Variants in CACNA1B observed in about 807,000 individuals in gnomAD.
CACNA1B encodes the protein calcium voltage-gated channel subunit alpha1 B.
In CACNA1B, 70 loss-of-function variants were observed where a neutral mutation model predicts 247.2. The ratio of observed to expected loss-of-function variants is 0.28; its 90% CI spans 0.23 to 0.35. CACNA1B has a LOEUF of 0.35. Among genes scored for constraint, CACNA1B ranks in the 10% least tolerant of loss-of-function variants. The pLI is 1.00. For synonymous variants in CACNA1B, 1,231 were observed against 1,294.4 expected (o/e 0.95, Z 1.05); for missense variants, 2,367 against 3,197.4 (o/e 0.74, Z 6.26).
At chr9:137,911,444 C>T (rs960585129) in intron 3 of CACNA1B, among the ~76,000 whole-genome samples, 1 of 152,112 alleles carries the variant, frequency 6.6e-6, no homozygotes, top group Admixed American at 6.5e-5. Flanking sequence ...GAGTCGGAGT[C>T]TCGCTCTGTA....
At chr9:137,946,716 C>A (rs947578019) in intron 6 of CACNA1B, among the ~76,000 whole-genome samples, 2 of 152,214 alleles carry the variant, frequency 1.3e-5, no homozygotes, top group African/African-American at 4.8e-5. Context: ...CAGCCAGAGA[C>A]CTGCAGTTGC....
At chr9:137,947,393 C>A (rs1957809042) in intron 6 of CACNA1B, among the ~76,000 whole-genome samples, 1 of 152,142 alleles carries the variant, frequency 6.6e-6, no homozygotes, top group East Asian at 1.9e-4. Flanking sequence ...GAAGTCAGCA[C>A]AAATCGGCCT....
intron 15 of CACNA1B, among the ~76,000 whole-genome samples, chr9:137,999,957 C>T (rs930065888): frequency 3.9e-5 from 6 of 151,954 alleles, no homozygotes; most frequent in East Asian, 1.9e-4. Context: ...AATTGTACAG[C>T]GACTGATCAA....
rs530642513 is a variant in CACNA1B at position 138,050,109 on chromosome 9, C to A, written c.3710+794C>A. Reference sequence around the variant, plus strand: ...GGGGTAATGCCTTCTCTCCCCCACACGCTGCCCCTGACATCACAGCATTCC... The same window carrying A: ...GGGGTAATGCCTTCTCTCCCCCACAAGCTGCCCCTGACATCACAGCATTCC... On this transcript the variant is annotated intron_variant, in intron 24 of 46. Transcript: ENST00000371372. The surrounding 1 kb of genome is among the most constrained non-coding windows in gnomAD (Gnocchi z 5.2). 14 of 1,286,624 alleles carry A rather than the reference C, an allele frequency of 1.1e-5. No homozygotes were observed. In the Admixed American group the frequency reaches 3.0e-4, roughly 27 times the overall value. 79.7% of individuals were successfully genotyped at this position (1,286,624 alleles called of 1,614,324 possible).
chr9:138,109,500 G>C (rs1354491506), intron 39 of CACNA1B, among the ~76,000 whole-genome samples: 4 of 152,186 alleles, frequency 2.6e-5, no homozygotes, highest in African/African-American at 2.4e-5. Flanking sequence ...ACTTGCCTCT[G>C]TGTGTGCAGG....
intron 31 of CACNA1B, among the ~76,000 whole-genome samples, chr9:138,069,547 T>C (rs1960046562): frequency 6.6e-6 from 1 of 152,214 alleles, no homozygotes; most frequent in Non-Finnish European, 1.5e-5. Flanking sequence ...TAATCAGAGT[T>C]TGAGTTTTTG....
intron 40 of CACNA1B, 114 bp downstream of exon 40, chr9:138,112,619 G>T (rs1961681102): frequency 4.2e-6 from 3 of 707,750 alleles, no homozygotes; most frequent in Non-Finnish European, 7.6e-6. Context: ...CCTTGGAGAG[G>T]TGGGCTCACC....
chr9:138,000,328 G>T (rs1200849668), intron 15 of CACNA1B, among the ~76,000 whole-genome samples: 1 of 152,110 alleles, frequency 6.6e-6, no homozygotes, highest in Admixed American at 6.5e-5. Flanking sequence ...TCGATCTCCT[G>T]ACCTCGTGAT....
Position 137,971,742 on chromosome 9 carries a change from G to A in CACNA1B, c.1543+150G>A. On this transcript the variant is annotated intron_variant, in intron 11 of 46. Transcript: ENST00000371372. The surrounding 1 kb of genome is among the most constrained non-coding windows in gnomAD (Gnocchi z 4.4). ...TCCCACAGCCCTAGTCAGCCTCCAG[G>A]AGCCTCTGTGGGGGCCTGGGGTGTG... The A allele has an allele frequency of 1.5e-6, 1 of 683,200 alleles. No individual in the cohort carries two copies. The highest frequency in any genetic ancestry group is 2.5e-6 in the Non-Finnish European group (1 of 403,584). The allele number at this position is 683,200 out of a possible 1,614,324, so 42.3% of individuals were successfully genotyped here.
In CACNA1B at chr9:138,038,172, C is replaced by T. The variant is rs1038656918; in HGVS notation, c.3287-5602C>T. 7.2e-5 allele frequency among the ~76,000 whole-genome samples: 11 copies of T among 152,254 alleles called. No individual in the cohort carries two copies. In the South Asian group the frequency reaches 8.3e-4, roughly 11 times the overall value. ...AAATTTTGAATTTTAACGTGTTTGA[C>T]GTATTTCAGTTCTTTGCAATCACTA... On this transcript the variant is annotated intron_variant, in intron 20 of 46. Coordinates refer to ENST00000371372, the MANE Select transcript of CACNA1B (RefSeq NM_000718.4).
At chr9:137,975,314 G>T (rs1038764889) in intron 11 of CACNA1B, among the ~76,000 whole-genome samples, 1 of 152,192 alleles carries the variant, frequency 6.6e-6, no homozygotes, top group African/African-American at 2.4e-5. Flanking sequence ...TGCTGGAGAG[G>T]AGTGCAGTGG....
intron 36 of CACNA1B, among the ~76,000 whole-genome samples, chr9:138,088,262 G>C (rs1960766526): frequency 6.6e-6 from 1 of 151,838 alleles, no homozygotes; most frequent in Admixed American, 6.6e-5. Flanking sequence ...CCATCTACTT[G>C]GGAGGCTGAG....
At chr9:138,087,744 G>C (rs1052648938) in intron 36 of CACNA1B, among the ~76,000 whole-genome samples, 2 of 134,180 alleles carry the variant, frequency 1.5e-5, no homozygotes, top group African/African-American at 2.8e-5. Flanking sequence ...AAAAAAGACA[G>C]AAAAAGAGAA....
chr9:138,035,420 C>T (rs747658861), intron 20 of CACNA1B, among the ~76,000 whole-genome samples: 9 of 152,086 alleles, frequency 5.9e-5, no homozygotes, highest in South Asian at 2.1e-4. Context: ...GAGCTGTGAT[C>T]GTGCCACTGC....
intron 10 of CACNA1B, among the ~76,000 whole-genome samples, chr9:137,968,655 G>A (rs1007753912): frequency 2.0e-5 from 3 of 152,242 alleles, no homozygotes; most frequent in African/African-American, 7.2e-5. Flanking sequence ...AGGGATGGAT[G>A]TTGGTCATTT....
chr9:138,097,111 C>T (rs1961081247), intron 37 of CACNA1B, among the ~76,000 whole-genome samples: 1 of 151,906 alleles, frequency 6.6e-6, no homozygotes, highest in Admixed American at 6.6e-5. Context: ...GGGACAGGGG[C>T]CAACATGCAC....
intron 36 of CACNA1B, among the ~76,000 whole-genome samples, chr9:138,092,687 T>C (rs563946785): frequency 3.3e-5 from 5 of 152,298 alleles, no homozygotes; most frequent in South Asian, 2.1e-4. Context: ...ATAAGAGTAT[T>C]GATTGGGGAA....
At chr9:137,903,903 G>T (rs923856973) in intron 3 of CACNA1B, among the ~76,000 whole-genome samples, 1 of 152,174 alleles carries the variant, frequency 6.6e-6, no homozygotes, top group Admixed American at 6.5e-5. Flanking sequence ...GTCACTGCTG[G>T]CTTCTGGTGT....
At position 138,010,185 on chromosome 9, in the gene CACNA1B, CT is replaced by C. The variant is rs1958706377; in HGVS notation, c.2160+110del. ...AGGGCCTCGTGTCCAGGAGCGTTGC[CT>C]TGGGTCCTGGCGGGCAGAGGCTGGT... On this transcript the variant is annotated intron_variant, in intron 17 of 46. Coordinates refer to ENST00000371372, the MANE Select transcript of CACNA1B (RefSeq NM_000718.4). This position sits in a 1 kb window ranked among gnomAD's most constrained non-coding sequence, Gnocchi z 5.3. 1 of 840,362 alleles carries C rather than the reference CT, an allele frequency of 1.2e-6. No individual in the cohort carries two copies. Among genetic ancestry groups the C allele is most frequent in the African/African-American group, 1.7e-5 (1 of 59,386 alleles). 52.1% of individuals were successfully genotyped at this position (840,362 alleles called of 1,614,324 possible).
Sources: gnomAD v4.1 joint callset for allele counts (sites outside exome capture counted in the v4.1 genomes callset) on GRCh38, gnomAD v4.1.1 for gene constraint, Gnocchi (gnomAD v3.1) non-coding constraint, MANE v1.5 for transcripts, NCBI Gene and HGNC (gene_info 2026-07-23, HGNC 2026-07-21) for gene names.